AMMECR1: variants seen among roughly 807,000 people sequenced by gnomAD.
The protein encoded by AMMECR1 is nuclear protein AMMECR1.
AMMECR1 carries 3 observed loss-of-function variants against 22.5 expected under a neutral mutation model. The ratio of observed to expected loss-of-function variants is 0.13; its 90% CI spans 0.06 to 0.35. AMMECR1 has a LOEUF of 0.35. Among genes scored for constraint, AMMECR1 ranks in the 10% least tolerant of loss-of-function variants. AMMECR1 has a pLI of 1.00. For synonymous variants in AMMECR1, 130 were observed against 116.7 expected (o/e 1.11, Z -0.74); for missense variants, 235 against 278.7 (o/e 0.84, Z 1.12).
chrX:110,221,729 GGAAGA>G (rs1270569283), intron 2 of AMMECR1, among the ~76,000 whole-genome samples: 6 of 111,135 alleles, frequency 5.4e-5, no homozygotes, highest in Non-Finnish European at 1.1e-4. Flanking sequence ...TGGAACAAAA[GGAAGA>G]GAAGATAGGA....
intron 2 of AMMECR1, among the ~76,000 whole-genome samples, chrX:110,369,014 A>G (rs1327414306): frequency 1.8e-5 from 2 of 111,765 alleles, no homozygotes; most frequent in South Asian, 3.8e-4. Context: ...AAAGTGCTCC[A>G]TTATTGAAGC....
chrX:110,350,817 A>T (rs905417575), intron 2 of AMMECR1, among the ~76,000 whole-genome samples: 1 of 109,466 alleles, frequency 9.1e-6, no homozygotes, highest in African/African-American at 3.3e-5. Flanking sequence ...ATAATAATAA[A>T]AAAAATTAGC....
At chrX:110,253,067 G>C (rs1187287746) in intron 2 of AMMECR1, among the ~76,000 whole-genome samples, 1 of 112,057 alleles carries the variant, frequency 8.9e-6, no homozygotes, top group African/African-American at 3.2e-5. Context: ...GCCCCTGGCG[G>C]GGACCATGCT....
At position 110,356,678 on chromosome X, in the gene AMMECR1, C is replaced by T. The variant is rs759617980; in HGVS notation, c.-147-38829G>A. 9.9e-5 allele frequency among the ~76,000 whole-genome samples: 11 copies of T among 111,050 alleles called. No homozygotes were observed. The South Asian group carries it at 4.2e-3, about 42-fold the overall frequency. ...ACATTGTACCATATATATATATACA[C>T]ACCTTATCATTTGTCAATTAAAAAT... On this transcript the variant is annotated intron_variant, in intron 2 of 7. Coordinates refer to the AMMECR1 transcript ENST00000372057.
At chrX:110,264,696 T>C (rs2067758727) in intron 1 of AMMECR1, 97 bp from the exon 2 acceptor site, 2 of 692,906 alleles carry the variant, frequency 2.9e-6, no homozygotes, top group African/African-American at 4.3e-5. Flanking sequence ...GCCTGAGATA[T>C]AAAGACCAAA....
chrX:110,226,923 CAG>C lies in AMMECR1; in HGVS notation c.585-10293_585-10292del, dbSNP rs1159995508. On this transcript the variant is annotated intron_variant, in intron 2 of 5. Transcript: ENST00000262844. ...TTTCTCCATTTTGATCTTGGTGACTCAGAGCTGCTACCATTGAAAAACATCTG... is the reference window on the plus strand; with the variant it reads ...TTTCTCCATTTTGATCTTGGTGACTCAGCTGCTACCATTGAAAAACATCTG... 6.3e-5 allele frequency among the ~76,000 whole-genome samples: 7 copies of C among 111,541 alleles called. No homozygotes were observed. The Admixed American group carries it at 6.7e-4, about 11-fold the overall frequency.
chrX:110,353,398 A>C (rs1016566547), intron 2 of AMMECR1, among the ~76,000 whole-genome samples: 1 of 107,124 alleles, frequency 9.3e-6, no homozygotes, highest in Admixed American at 9.9e-5. Flanking sequence ...TTGAGGTGTA[A>C]TGTTTGTTTA....
At chrX:110,369,540 A>T (rs1280731080) in intron 2 of AMMECR1, among the ~76,000 whole-genome samples, 2 of 110,587 alleles carry the variant, frequency 1.8e-5, no homozygotes, top group Non-Finnish European at 1.9e-5. Flanking sequence ...TTATAGCACA[A>T]TTTTTTTAGA....
chrX:110,258,690 C>A (rs763930046), intron 2 of AMMECR1, among the ~76,000 whole-genome samples: 1 of 112,083 alleles, frequency 8.9e-6, no homozygotes, highest in African/African-American at 3.2e-5. Flanking sequence ...CTTGCCACAA[C>A]CACTTGCCAA....
chrX:110,196,415 T>C lies in AMMECR1; in HGVS notation c.*2105A>G, dbSNP rs920124894. 9.3e-6 allele frequency: 1 copy of C among 107,162 alleles called. No homozygotes were observed. The highest frequency in any genetic ancestry group is 3.4e-5 in the African/African-American group (1 of 29,300). 8.8% of individuals were successfully genotyped at this position (107,162 alleles called of 1,213,427 possible). ...TTTTGTTTTGTTTTTTTTTTGTTTGTTTTTTTTTGCAGCAGACAATATCAT... is the reference window on the plus strand; with the variant it reads ...TTTTGTTTTGTTTTTTTTTTGTTTGCTTTTTTTTGCAGCAGACAATATCAT... On this transcript the variant is annotated 3_prime_UTR_variant, in exon 6 of 6. Transcript: ENST00000262844.
chrX:110,255,352 T>C (rs1043548883), intron 2 of AMMECR1, among the ~76,000 whole-genome samples: 3 of 111,734 alleles, frequency 2.7e-5, no homozygotes, highest in African/African-American at 9.8e-5. Flanking sequence ...TCATTAGCAG[T>C]ACAAGTCTAA....
chrX:110,323,148 T>C (rs2068085555), intron 2 of AMMECR1, among the ~76,000 whole-genome samples: 1 of 112,322 alleles, frequency 8.9e-6, no homozygotes, highest in South Asian at 3.7e-4. Context: ...CATGGTAGCA[T>C]ATAGCTTTTC....
chrX:110,294,221 C>T (rs891739874), intron 1 of AMMECR1, among the ~76,000 whole-genome samples: 2 of 111,840 alleles, frequency 1.8e-5, no homozygotes, highest in Admixed American at 9.5e-5. Context: ...GCCTCATCCC[C>T]GAGGATGTTG....
intron 2 of AMMECR1, among the ~76,000 whole-genome samples, chrX:110,382,102 C>G (rs1261948025): frequency 8.9e-6 from 1 of 111,847 alleles, no homozygotes; most frequent in Non-Finnish European, 1.9e-5. Context: ...AAAATTCTTT[C>G]CTAAGAATTC....
chrX:110,207,821 G>C (rs1174945212), intron 3 of AMMECR1, among the ~76,000 whole-genome samples: 1 of 111,452 alleles, frequency 9.0e-6, no homozygotes, highest in East Asian at 2.8e-4. Context: ...TATAAAAGGA[G>C]GACATATGTC....
At chrX:110,377,841 C>T (rs1476526420) in intron 2 of AMMECR1, among the ~76,000 whole-genome samples, 2 of 107,967 alleles carry the variant, frequency 1.9e-5, no homozygotes, top group African/African-American at 6.8e-5. Flanking sequence ...AACCCCGTCT[C>T]TACTAAAAAT....
intron 2 of AMMECR1, among the ~76,000 whole-genome samples, chrX:110,394,733 T>G (rs908287991): frequency 8.9e-6 from 1 of 112,733 alleles, no homozygotes; most frequent in Non-Finnish European, 1.9e-5. Flanking sequence ...CACATGCATC[T>G]GCTCCTGGTG....
chrX:110,250,424 CT>C (rs1282392406), intron 2 of AMMECR1, among the ~76,000 whole-genome samples: 1 of 111,605 alleles, frequency 9.0e-6, no homozygotes. Context: ...GCAGCAGTAG[CT>C]TCAAAGGTTT....
At chrX:110,265,659 T>TG (rs1406644191) in intron 1 of AMMECR1, among the ~76,000 whole-genome samples, 5 of 111,926 alleles carry the variant, frequency 4.5e-5, no homozygotes, top group Admixed American at 2.9e-4. Context: ...TACCTTACAA[T>TG]GGGGATGGTC....
Sources: allele counts gnomAD v4.1 joint callset (sites outside exome capture counted in the v4.1 genomes callset), GRCh38; gene constraint gnomAD v4.1.1; transcripts MANE v1.5; gene names NCBI Gene and HGNC (gene_info 2026-07-23, HGNC 2026-07-21).